Variants in METTL9 observed in about 807,000 individuals in gnomAD.
The protein encoded by METTL9 is protein-L-histidine N-pros-methyltransferase.
Under a neutral mutation model 36.0 loss-of-function variants are expected in METTL9, and 10 were observed. The ratio of observed to expected loss-of-function variants is 0.28; its 90% CI spans 0.17 to 0.47. The LOEUF (loss-of-function observed/expected upper bound fraction) is 0.47. Among genes scored for constraint, METTL9 ranks in the 20% least tolerant of loss-of-function variants. The pLI is 0.99. For missense variants in METTL9, 246 were observed against 383.5 expected, an observed-to-expected ratio of 0.64 and a Z score of 3.00; for synonymous variants, 175 against 149.7, an observed-to-expected ratio of 1.17 and a Z score of -1.23.
rs1966724073 is a variant in METTL9 at position 21,656,974 on chromosome 16, T to C, written c.*1542T>C. On this transcript the variant is annotated 3_prime_UTR_variant, in exon 5 of 5. Coordinates refer to ENST00000358154, the MANE Select transcript of METTL9 (RefSeq NM_016025.5). ...TACTTAGCACCATAGATTGTAAAAA[T>C]AGAAAGAGGAAATGAGAAAACTTAA... is the stretch of plus-strand genomic sequence containing the variant. 6.6e-6 allele frequency: 1 copy of C among 152,018 alleles called. No individual in the cohort carries two copies. Among genetic ancestry groups the C allele is most frequent in the African/African-American group, 2.4e-5 (1 of 41,364 alleles). The allele number at this position is 152,018 out of a possible 1,614,324, so 9.4% of individuals were successfully genotyped here. A position where few individuals can be genotyped will look rare whatever the true frequency, so the allele number is the denominator to read the frequency against.
At position 21,657,094 on chromosome 16, in the gene METTL9, C is replaced by T. The variant is rs1966726375; in HGVS notation, c.*1662C>T. On this transcript the variant is annotated 3_prime_UTR_variant, in exon 5 of 5. Transcript: ENST00000358154. ...CTGTCAAGCAGAAGTGATGGATGTTCAAGGAGGCAGGTTGCCCCAAAGTGT... is the reference window on the plus strand; with the variant it reads ...CTGTCAAGCAGAAGTGATGGATGTTTAAGGAGGCAGGTTGCCCCAAAGTGT... The T allele has an allele frequency of 6.6e-6, 1 of 151,978 alleles. No individual in the cohort carries two copies. The highest frequency in any genetic ancestry group is 1.5e-5 in the Non-Finnish European group (1 of 67,996). The allele number at this position is 151,978 out of a possible 1,614,324, so 9.4% of individuals were successfully genotyped here. A position where few individuals can be genotyped will look rare whatever the true frequency, so the allele number is the denominator to read the frequency against.
At position 21,651,147 on chromosome 16, in the gene METTL9, C is replaced by T. The variant is rs956375063; in HGVS notation, c.752-4080C>T. 8.5e-5 allele frequency among the ~76,000 whole-genome samples: 13 copies of T among 152,096 alleles called. No homozygotes were observed. In the South Asian group the frequency reaches 1.5e-3, roughly 17 times the overall value. On this transcript the variant is annotated intron_variant, in intron 4 of 4. Transcript: ENST00000358154. The stretch of plus-strand genomic sequence containing the variant: ...CTGAGGCAGGAGAATGGCGTGAACC[C>T]GGGAGGCGGAGCTTGCAGTGAGCCG...
chr16:21,655,509 C>A lies in METTL9; in HGVS notation c.*77C>A. 7.8e-7 allele frequency: 1 copy of A among 1,276,584 alleles called. No homozygotes were observed. The highest frequency in any genetic ancestry group is 1.1e-6 in the Non-Finnish European group (1 of 910,058). 79.1% of individuals were successfully genotyped at this position (1,276,584 alleles called of 1,614,324 possible). Reference sequence around the variant, plus strand: ...GGAAGAGGGTCTGTGTTCACAATTACGTGAAGGGAGGACCCTTGGGGACCG... The same window carrying A: ...GGAAGAGGGTCTGTGTTCACAATTAAGTGAAGGGAGGACCCTTGGGGACCG... On this transcript the variant is annotated 3_prime_UTR_variant, in exon 5 of 5. Transcript: ENST00000358154.
Position 21,599,586 on chromosome 16 carries a change from C to G in METTL9, c.-148C>G. 2 of 1,303,524 alleles carry G rather than the reference C, an allele frequency of 1.5e-6. No individual in the cohort carries two copies. The highest frequency in any genetic ancestry group is 1.9e-6 in the Non-Finnish European group (2 of 1,031,106). The allele number at this position is 1,303,524 out of a possible 1,614,324, so 80.7% of individuals were successfully genotyped here. A position where few individuals can be genotyped will look rare whatever the true frequency, so the allele number is the denominator to read the frequency against. On this transcript the variant is annotated 5_prime_UTR_variant, in exon 1 of 5. Transcript: ENST00000358154. The surrounding 1 kb of genome is among the most constrained non-coding windows in gnomAD (Gnocchi z 4.4). Reference sequence around the variant, plus strand: ...TGCGCGCCGGCTGCTCCTCCCCACCCCCAGCCTTTGCCCTGAAGGGGGCTG... The same window carrying G: ...TGCGCGCCGGCTGCTCCTCCCCACCGCCAGCCTTTGCCCTGAAGGGGGCTG...
intron 4 of METTL9, among the ~76,000 whole-genome samples, chr16:21,637,047 C>G (rs1966116837): frequency 6.6e-6 from 1 of 151,980 alleles, no homozygotes; most frequent in African/African-American, 2.4e-5. Context: ...TGGCACGGAC[C>G]CAAAGAGTGA....
intron 4 of METTL9, among the ~76,000 whole-genome samples, chr16:21,638,576 G>A (rs750570808): frequency 1.3e-5 from 2 of 152,170 alleles, no homozygotes; most frequent in Non-Finnish European, 2.9e-5. Flanking sequence ...TGAGAATCAC[G>A]CTTTTGCTCT....
At chr16:21,602,187 G>A (rs1432840062) in intron 1 of METTL9, among the ~76,000 whole-genome samples, 1 of 152,184 alleles carries the variant, frequency 6.6e-6, no homozygotes, top group Non-Finnish European at 1.5e-5. Flanking sequence ...GGGCCTTTTG[G>A]AGTTGCATAA....
At chr16:21,632,779 G>A (rs915562491) in intron 4 of METTL9, among the ~76,000 whole-genome samples, 2 of 152,080 alleles carry the variant, frequency 1.3e-5, no homozygotes, top group South Asian at 2.1e-4. Context: ...GCAACTACCC[G>A]TAAACAGGCC....
At chr16:21,635,038 G>A (rs1966052490) in intron 4 of METTL9, among the ~76,000 whole-genome samples, 1 of 152,038 alleles carries the variant, frequency 6.6e-6, no homozygotes, top group Admixed American at 6.6e-5. Context: ...AGGATACCAG[G>A]TATCTCCAAA....
chr16:21,655,117 C>T, intron 4 of METTL9, 110 bp from the exon 5 acceptor site: 1 of 915,088 alleles, frequency 1.1e-6, no homozygotes, highest in Non-Finnish European at 1.7e-6. Context: ...CTCATGAAGC[C>T]CTCAGGCTTG....
At chr16:21,626,649 T>C (rs1021387015) in intron 4 of METTL9, 1 of 152,190 alleles carries the variant, frequency 6.6e-6, no homozygotes, top group Non-Finnish European at 1.5e-5. Flanking sequence ...TGCTTTTAAA[T>C]GTGAGTGTAT....
At chr16:21,597,253 TA>T, upstream of METTL9, 1 of 1,288,920 alleles carries the variant, frequency 7.8e-7, no homozygotes, top group South Asian at 1.2e-5. Flanking sequence ...CAAAGCTTCT[TA>T]GATGGATCGA....
intron 4 of METTL9, among the ~76,000 whole-genome samples, chr16:21,648,432 G>A (rs777926532): frequency 1.6e-4 from 24 of 152,190 alleles, no homozygotes; most frequent in Non-Finnish European, 2.9e-4. Context: ...ATACAAGGGA[G>A]CGATTGCTGC....
At chr16:21,613,168 CTT>C (rs57388340) in intron 2 of METTL9, among the ~76,000 whole-genome samples, 4 of 91,426 alleles carry the variant, frequency 4.4e-5, no homozygotes, top group African/African-American at 1.6e-4. Context: ...TGAGAGTCTG[CTT>C]TTTTTTTTTT....
rs1252835770 is a variant in METTL9 at position 21,625,184 on chromosome 16, G to A, written c.751+69G>A. The A allele has an allele frequency of 3.2e-6, 5 of 1,540,574 alleles. No individual in the cohort carries two copies. The South Asian group carries it at 4.5e-5, about 14-fold the overall frequency. On this transcript the variant is annotated intron_variant, in intron 4 of 4. Transcript: ENST00000358154. ...TTATTGGTATTTGTGATTTTGTGCT[G>A]TGTACAATTAAATATTGTCTAGTAT...
chr16:21,647,618 G>C (rs1966465406), intron 4 of METTL9: 3 of 1,247,684 alleles, frequency 2.4e-6, no homozygotes, highest in Non-Finnish European at 3.3e-6. Flanking sequence ...ATATAAATAA[G>C]ACTAAAAATA....
chr16:21,599,596 G>T lies in METTL9; in HGVS notation c.-138G>T, dbSNP rs1323241103. 9.9e-6 allele frequency: 13 copies of T among 1,315,192 alleles called. No homozygotes were observed. The highest frequency in any genetic ancestry group is 8.5e-5 in the Admixed American group (2 of 23,426). 81.5% of individuals were successfully genotyped at this position (1,315,192 alleles called of 1,614,324 possible). On this transcript the variant is annotated 5_prime_UTR_variant, in exon 1 of 5. Coordinates refer to ENST00000358154, the MANE Select transcript of METTL9 (RefSeq NM_016025.5). The surrounding 1 kb of genome is among the most constrained non-coding windows in gnomAD (Gnocchi z 4.4). ...CTGCTCCTCCCCACCCCCAGCCTTT[G>T]CCCTGAAGGGGGCTGGATGGGCAAG...
chr16:21,647,391 C>T (rs370573910), intron 4 of METTL9: 28 of 1,614,086 alleles, frequency 1.7e-5, no homozygotes, highest in African/African-American at 1.2e-4. Flanking sequence ...GAAGGGCATC[C>T]GGTTGCGGAG....
chr16:21,599,365 G>A (rs1368149116), upstream of METTL9: 6 of 1,031,244 alleles, frequency 5.8e-6, no homozygotes, highest in Non-Finnish European at 7.0e-6. The surrounding 1 kb of genome is among the most constrained non-coding windows in gnomAD (Gnocchi z 4.4). Flanking sequence ...AGAGGCCAAG[G>A]CAGGGCCGGG....
Sources: gnomAD v4.1 joint callset for allele counts (sites outside exome capture counted in the v4.1 genomes callset) on GRCh38, gnomAD v4.1.1 for gene constraint, Gnocchi (gnomAD v3.1) non-coding constraint, MANE v1.5 for transcripts, NCBI Gene and HGNC (gene_info 2026-07-23, HGNC 2026-07-21) for gene names.